Variants in RSRC1 observed in about 807,000 individuals in gnomAD.
The protein encoded by RSRC1 is serine/Arginine-related protein 53.
A neutral mutation model predicts 49.1 loss-of-function variants in RSRC1; 39 were observed. The observed-to-expected ratio is 0.79, with a 90% CI of 0.61 to 1.04. RSRC1 has a LOEUF of 1.04. RSRC1 is among the 50% of genes least tolerant of loss of function. The pLI, the probability that RSRC1 is intolerant of heterozygous loss-of-function variation, is 0.00. For synonymous variants in RSRC1, 143 were observed against 130.8 expected, an observed-to-expected ratio of 1.09 and a Z score of -0.63; for missense variants, 388 against 402.4, an observed-to-expected ratio of 0.96 and a Z score of 0.31.
chr3:158,273,859 TCTTACTCTCTCAGG>T (rs1379133520), intron 4 of RSRC1, among the ~76,000 whole-genome samples: 1 of 152,156 alleles, frequency 6.6e-6, no homozygotes, highest in Non-Finnish European at 1.5e-5. Flanking sequence ...TTTCTCTCAC[TCTTACTCTCTCAGG>T]CTCTCTTTCT....
intron 3 of RSRC1, among the ~76,000 whole-genome samples, chr3:158,164,476 AT>A (rs1324787531): frequency 6.6e-6 from 1 of 152,126 alleles, no homozygotes; most frequent in Non-Finnish European, 1.5e-5. Context: ...AATTATAAAA[AT>A]ATTTATGATT....
At chr3:158,348,589 T>A (rs1331787915) in intron 5 of RSRC1, among the ~76,000 whole-genome samples, 1 of 152,106 alleles carries the variant, frequency 6.6e-6, no homozygotes, top group Non-Finnish European at 1.5e-5. Context: ...ATTTTATTTT[T>A]TTTTATTTTA....
intron 7 of RSRC1, among the ~76,000 whole-genome samples, chr3:158,520,163 CACTTTTCCAAATTT>C: frequency 6.6e-6 from 1 of 152,042 alleles, no homozygotes; most frequent in Non-Finnish European, 1.5e-5. Flanking sequence ...AAGTATCTTC[CACTTTTCCAAATTT>C]AATTTGGAAA....
intron 3 of RSRC1, among the ~76,000 whole-genome samples, chr3:158,180,929 C>T (rs747055733): frequency 2.6e-5 from 4 of 151,544 alleles, no homozygotes; most frequent in Admixed American, 1.3e-4. Context: ...TTTAGTCTCC[C>T]GAGTAGCTGG....
intron 8 of RSRC1, among the ~76,000 whole-genome samples, chr3:158,537,683 A>G (rs1712791206): frequency 6.6e-6 from 1 of 151,656 alleles, no homozygotes; most frequent in Non-Finnish European, 1.5e-5. Context: ...TTTTACTTCC[A>G]TTGAATATTT....
At chr3:158,493,059 T>G (rs936053449) in intron 7 of RSRC1, among the ~76,000 whole-genome samples, 2 of 152,190 alleles carry the variant, frequency 1.3e-5, no homozygotes, top group Non-Finnish European at 2.9e-5. Context: ...GAGGCAGTCA[T>G]AGTATTTTAA....
chr3:158,294,151 A>G (rs1420455002), intron 4 of RSRC1, among the ~76,000 whole-genome samples: 2 of 151,846 alleles, frequency 1.3e-5, no homozygotes, highest in Non-Finnish European at 2.9e-5. Flanking sequence ...TTCTTATTAT[A>G]TAGATGTTAA....
intron 6 of RSRC1, among the ~76,000 whole-genome samples, chr3:158,456,125 C>T (rs1157774597): frequency 6.6e-6 from 1 of 151,314 alleles, no homozygotes; most frequent in Non-Finnish European, 1.5e-5. Context: ...CAAACAACCC[C>T]AAAACTTCAT....
chr3:158,119,360 C>A (rs1423236444), intron 1 of RSRC1, among the ~76,000 whole-genome samples: 7 of 152,156 alleles, frequency 4.6e-5, no homozygotes, highest in Non-Finnish European at 8.8e-5. Flanking sequence ...AGTTTGTTGA[C>A]ATATCTCATG....
chr3:158,162,092 C>G (rs1441075567), intron 3 of RSRC1, among the ~76,000 whole-genome samples: 1 of 152,150 alleles, frequency 6.6e-6, no homozygotes, highest in African/African-American at 2.4e-5. Context: ...GGAGAAATGA[C>G]TTTATCTGAA....
intron 7 of RSRC1, among the ~76,000 whole-genome samples, chr3:158,511,909 C>G (rs1290544614): frequency 2.0e-5 from 3 of 152,104 alleles, no homozygotes; most frequent in Admixed American, 2.0e-4. Context: ...CTTTTGGCTG[C>G]ATAAATGTCC....
intron 2 of RSRC1, among the ~76,000 whole-genome samples, chr3:158,123,262 C>T (rs931347736): frequency 6.6e-6 from 1 of 152,206 alleles, no homozygotes; most frequent in Non-Finnish European, 1.5e-5. Flanking sequence ...CCTCCTCAGC[C>T]TCCCAAAATG....
chr3:158,517,732 G>A (rs1022750649), intron 7 of RSRC1, among the ~76,000 whole-genome samples: 37 of 135,116 alleles, frequency 2.7e-4, no homozygotes, highest in African/African-American at 8.8e-4. Flanking sequence ...GAAACTATAG[G>A]TGTATACCAC....
At chr3:158,478,138 T>C (rs1738462267) in intron 7 of RSRC1, among the ~76,000 whole-genome samples, 1 of 151,868 alleles carries the variant, frequency 6.6e-6, no homozygotes. Context: ...TTGGATTATA[T>C]AGGATCTTAT....
rs577582992 is a variant in RSRC1, at chr3:158,414,193, A to C, written c.584-46742A>C. 1.8e-4 allele frequency among the ~76,000 whole-genome samples: 28 copies of C among 152,298 alleles called. No individual in the cohort carries two copies. The East Asian group carries it at 3.1e-3, about 17-fold the overall frequency. On this transcript the variant is annotated intron_variant, in intron 6 of 9. Transcript: ENST00000611884. Reference sequence around the variant, plus strand: ...AGACTGGATAAAGAAAATGTGGTACATATACACCATGGAATACTATGCAGT... The same window carrying C: ...AGACTGGATAAAGAAAATGTGGTACCTATACACCATGGAATACTATGCAGT...
intron 7 of RSRC1, among the ~76,000 whole-genome samples, chr3:158,523,413 G>A (rs1205428361): frequency 6.6e-6 from 1 of 151,858 alleles, no homozygotes; most frequent in African/African-American, 2.4e-5. Context: ...CAGTAATCAA[G>A]ACTATATATT....
intron 7 of RSRC1, among the ~76,000 whole-genome samples, chr3:158,503,621 G>A (rs1209971466): frequency 6.6e-6 from 1 of 152,152 alleles, no homozygotes; most frequent in Non-Finnish European, 1.5e-5. Flanking sequence ...TACCTAGGAG[G>A]ATTATAGCTG....
intron 3 of RSRC1, among the ~76,000 whole-genome samples, chr3:158,165,255 T>C (rs763975158): frequency 2.6e-5 from 4 of 152,208 alleles, no homozygotes; most frequent in Non-Finnish European, 2.9e-5. Flanking sequence ...CTGGAGGTAA[T>C]GAAGTGGATT....
chr3:158,275,864 G>T, intron 4 of RSRC1: 1 of 596,928 alleles, frequency 1.7e-6, no homozygotes, highest in South Asian at 1.7e-5. Flanking sequence ...TGCCTGGCTA[G>T]AACCACTAAT....
Sources: allele counts gnomAD v4.1 joint callset (sites outside exome capture counted in the v4.1 genomes callset), GRCh38; gene constraint gnomAD v4.1.1; transcripts MANE v1.5; gene names NCBI Gene and HGNC (gene_info 2026-07-23, HGNC 2026-07-21).